LANCL1: variants seen among roughly 807,000 people sequenced by gnomAD.
LANCL1 encodes glutathione S-transferase LANCL1.
LANCL1 carries 50 observed loss-of-function variants against 50.6 expected under a neutral mutation model. The ratio of observed to expected loss-of-function variants is 0.99; its 90% confidence interval spans 0.79 to 1.25. The LOEUF (loss-of-function observed/expected upper bound fraction) is 1.25, where lower values mean the gene tolerates loss of function less well. LANCL1 is among the 50% of genes most tolerant of loss of function. The pLI is 0.00. For synonymous variants in LANCL1, 188 were observed against 178.6 expected (o/e 1.05, Z -0.42); for missense variants, 532 against 480.7 (o/e 1.11, Z -1.00).
At chr2:210,449,818 A>C (rs1371380359) in intron 4 of LANCL1, among the ~76,000 whole-genome samples, 1 of 152,228 alleles carries the variant, frequency 6.6e-6, no homozygotes, top group African/African-American at 2.4e-5. Context: ...GGAGGACTAC[A>C]AACCACTGCT....
In LANCL1 at chr2:210,476,737, A is replaced by G. The variant is rs1478718076; in HGVS notation, c.-134T>C. 7 of 1,078,946 alleles carry G rather than the reference A, an allele frequency of 6.5e-6. No homozygotes were observed. Among genetic ancestry groups the G allele is most frequent in the East Asian group, 6.9e-5 (1 of 14,578 alleles). 66.8% of individuals were successfully genotyped at this position (1,078,946 alleles called of 1,614,324 possible). A position where few individuals can be genotyped will look rare whatever the true frequency, so the allele number is the denominator to read the frequency against. ...GGCCTCTCACCCCGCAGCCCCGGACAGTAACAGAAGGGCTATTTTACCGCC... is the reference window on the plus strand; with the variant it reads ...GGCCTCTCACCCCGCAGCCCCGGACGGTAACAGAAGGGCTATTTTACCGCC... On this transcript the variant is annotated 5_prime_UTR_variant, in exon 1 of 10. Coordinates refer to ENST00000450366, the MANE Select transcript of LANCL1 (RefSeq NM_006055.3).
intron 3 of LANCL1, among the ~76,000 whole-genome samples, chr2:210,460,287 CAT>C (rs909519986): frequency 3.9e-5 from 6 of 152,032 alleles, no homozygotes; most frequent in African/African-American, 1.4e-4. Flanking sequence ...TAGGGAAAAT[CAT>C]GTTCAGATTT....
chr2:210,432,589 C>T lies in LANCL1; in HGVS notation c.*1898G>A, dbSNP rs1486588759. 6.6e-6 allele frequency: 1 copy of T among 152,190 alleles called. No individual in the cohort carries two copies. Among genetic ancestry groups the T allele is most frequent in the Non-Finnish European group, 1.5e-5 (1 of 68,042 alleles). The allele number at this position is 152,190 out of a possible 1,614,324, so 9.4% of individuals were successfully genotyped here. ...GCTTGGAGAACTGTGATCAAGTCTT[C>T]TCTGGCTCAGAGAAACTGTTATTTT... On this transcript the variant is annotated 3_prime_UTR_variant, in exon 10 of 10. Transcript: ENST00000450366.
intron 6 of LANCL1, among the ~76,000 whole-genome samples, chr2:210,440,099 CAG>C (rs1445663001): frequency 6.6e-6 from 1 of 152,190 alleles, no homozygotes. Context: ...AACTGTAGGG[CAG>C]AGCATATTCA....
chr2:210,436,054 A>G (rs1034462763), intron 8 of LANCL1, among the ~76,000 whole-genome samples, 162 bp downstream of exon 8: 1 of 151,836 alleles, frequency 6.6e-6, no homozygotes, highest in Non-Finnish European at 1.5e-5. Flanking sequence ...GGCGCCTGCC[A>G]CCACACCTGG....
intron 3 of LANCL1, among the ~76,000 whole-genome samples, chr2:210,469,609 A>G (rs887590705): frequency 1.4e-4 from 21 of 152,204 alleles, no homozygotes; most frequent in African/African-American, 4.8e-4. Context: ...AGCTGCTTTC[A>G]GGAGTCAGCA....
At chr2:210,454,182 T>C (rs1204896970) in intron 4 of LANCL1, among the ~76,000 whole-genome samples, 1 of 150,194 alleles carries the variant, frequency 6.7e-6, no homozygotes, top group Non-Finnish European at 1.5e-5. Context: ...TATCACTGCA[T>C]GGGAAAAAAT....
intron 3 of LANCL1, among the ~76,000 whole-genome samples, chr2:210,457,592 T>A (rs1693709556): frequency 6.6e-6 from 1 of 152,168 alleles, no homozygotes; most frequent in Non-Finnish European, 1.5e-5. Flanking sequence ...GCAATGTTTA[T>A]CAAAATATAT....
chr2:210,454,417 T>C (rs1230781843), intron 4 of LANCL1, among the ~76,000 whole-genome samples: 2 of 152,168 alleles, frequency 1.3e-5, no homozygotes, highest in Non-Finnish European at 2.9e-5. Context: ...GGTAATGCCA[T>C]CCTAACAGTA....
At chr2:210,455,699 C>A (rs1693652689) in intron 3 of LANCL1, among the ~76,000 whole-genome samples, 1 of 151,584 alleles carries the variant, frequency 6.6e-6, no homozygotes, top group Non-Finnish European at 1.5e-5. Context: ...AATTGATTTA[C>A]CAATAATTAT....
upstream of LANCL1, chr2:210,477,519 T>C: frequency 7.7e-7 from 1 of 1,295,348 alleles, no homozygotes; most frequent in Non-Finnish European, 9.8e-7. Context: ...AGCCTCACTC[T>C]CTCCTTTTCC....
chr2:210,437,773 A>G lies in LANCL1; in HGVS notation c.790T>C (p.Cys264Arg). 6.2e-7 allele frequency: 1 copy of G among 1,613,458 alleles called. No homozygotes were observed. The highest frequency in any genetic ancestry group is 8.5e-7 in the Non-Finnish European group (1 of 1,179,696). ...LKFPSGNYPPCIGDNRDLLVH... is the reference protein window; with the variant it reads ...LKFPSGNYPPRIGDNRDLLVH... ...AGCAGATCTCGATTATCACCTATAC[A>G]TGGAGGGTAATTGCCAGAAGGGAAT... Residue 264 changes from cysteine to arginine, a missense_variant, in exon 7 of 10, where the codon TGT becomes CGT. Cys to Arg is a radical substitution (Grantham distance 180). Coordinates refer to ENST00000450366, the MANE Select transcript of LANCL1 (RefSeq NM_006055.3).
At chr2:210,440,230 G>A (rs771404192) in intron 6 of LANCL1, among the ~76,000 whole-genome samples, 2 of 152,156 alleles carry the variant, frequency 1.3e-5, no homozygotes, top group African/African-American at 2.4e-5. Flanking sequence ...GTTGGAATCA[G>A]TTGTACCTTT....
intron 4 of LANCL1, among the ~76,000 whole-genome samples, chr2:210,446,962 C>G (rs1356126772): frequency 1.3e-5 from 2 of 152,136 alleles, no homozygotes; most frequent in African/African-American, 4.8e-5. Context: ...CCTTCACATT[C>G]ACATTCAGGA....
chr2:210,434,618 G>A, intron 9 of LANCL1, 55 bp from the exon 10 acceptor site: 2 of 1,397,654 alleles, frequency 1.4e-6, no homozygotes, highest in Non-Finnish European at 2.0e-6. Flanking sequence ...CATTTCATAG[G>A]ATGGTTCTTT....
chr2:210,477,091 CG>C (rs1201551088), upstream of LANCL1, among the ~76,000 whole-genome samples: 1 of 144,732 alleles, frequency 6.9e-6, no homozygotes, highest in Non-Finnish European at 1.5e-5. Flanking sequence ...TAAAATTTGG[CG>C]GGGGGTGGGG....
intron 3 of LANCL1, chr2:210,469,193 T>C (rs1416993228): frequency 6.6e-6 from 1 of 152,190 alleles, no homozygotes; most frequent in East Asian, 1.9e-4. Context: ...CACCAAATAT[T>C]TTTATTGTAT....
rs576937418 is a variant in LANCL1 at position 210,469,072 on chromosome 2, G to A, written c.199+2887C>T. 3.3e-5 allele frequency: 5 copies of A among 152,242 alleles called. No individual in the cohort carries two copies. In the East Asian group the frequency reaches 7.7e-4, roughly 23 times the overall value. The allele number at this position is 152,242 out of a possible 1,614,324, so 9.4% of individuals were successfully genotyped here. A position where few individuals can be genotyped will look rare whatever the true frequency, so the allele number is the denominator to read the frequency against. On this transcript the variant is annotated intron_variant, in intron 3 of 9. Coordinates refer to ENST00000450366, the MANE Select transcript of LANCL1 (RefSeq NM_006055.3). ...TTTTCTCATGCTGAACAAAGTTAAA[G>A]AAATATAATGTGTGTTTCCTAAAGA...
chr2:210,476,539 C>T (rs1336416092), intron 1 of LANCL1, 81 bp downstream of exon 1: 1 of 1,406,064 alleles, frequency 7.1e-7, no homozygotes, highest in Admixed American at 3.3e-5. Context: ...CTCGGCGGTC[C>T]GAGTGGACCT....
Sources: allele counts gnomAD v4.1 joint callset (sites outside exome capture counted in the v4.1 genomes callset), GRCh38; gene constraint gnomAD v4.1.1; transcripts MANE v1.5; gene names NCBI Gene and HGNC (gene_info 2026-07-23, HGNC 2026-07-21).